The following UBL3 variants were observed in gnomAD, a reference collection of about 807,000 sequenced individuals.
UBL3 encodes ubiquitin-like protein 3.
A neutral mutation model predicts 18.4 loss-of-function variants in UBL3; 6 were observed. The ratio of observed to expected loss-of-function variants is 0.33; its 90% CI spans 0.18 to 0.64. The LOEUF (loss-of-function observed/expected upper bound fraction) is 0.64. Ranked by LOEUF, UBL3 falls within the 30% of genes least tolerant of loss-of-function variation. UBL3 has a pLI of 0.76. For missense variants in UBL3, 109 were observed against 142.9 expected (o/e 0.76, Z 1.21); for synonymous variants, 49 against 46.6 (o/e 1.05, Z -0.21).
At chr13:29,842,303 G>A (rs1014488874) in intron 1 of UBL3, among the ~76,000 whole-genome samples, 9 of 151,906 alleles carry the variant, frequency 5.9e-5, no homozygotes, top group Non-Finnish European at 8.8e-5. Context: ...GATTACAGAC[G>A]CCTGCCACAA....
chr13:29,830,071 T>TA, intron 1 of UBL3, among the ~76,000 whole-genome samples: 1 of 152,172 alleles, frequency 6.6e-6, no homozygotes, highest in Non-Finnish European at 1.5e-5. Context: ...GCTTCTCAGG[T>TA]AATTATAAGT....
At chr13:29,775,218 T>C (rs1409901343) in intron 2 of UBL3, among the ~76,000 whole-genome samples, 1 of 152,212 alleles carries the variant, frequency 6.6e-6, no homozygotes, top group Non-Finnish European at 1.5e-5. Flanking sequence ...GAGTTATATT[T>C]GCATTTTCTG....
intron 1 of UBL3, among the ~76,000 whole-genome samples, chr13:29,826,565 G>C (rs1593671005): frequency 6.6e-6 from 1 of 151,850 alleles, no homozygotes; most frequent in Non-Finnish European, 1.5e-5. Context: ...ATTTTTTATT[G>C]CTTCTATTTG....
intron 2 of UBL3, among the ~76,000 whole-genome samples, chr13:29,774,339 T>G (rs901160282): frequency 1.3e-5 from 2 of 152,268 alleles, no homozygotes; most frequent in East Asian, 3.9e-4. Context: ...ACCCTTTTTC[T>G]GCCTTGTGTT....
chr13:29,841,353 C>T (rs868584100), intron 1 of UBL3, among the ~76,000 whole-genome samples: 1 of 152,034 alleles, frequency 6.6e-6, no homozygotes, highest in South Asian at 2.1e-4. Context: ...AAATCCTTTA[C>T]AAGTCAATCT....
chr13:29,790,940 C>T (rs1242679014), intron 1 of UBL3, among the ~76,000 whole-genome samples: 1 of 152,172 alleles, frequency 6.6e-6, no homozygotes, highest in Non-Finnish European at 1.5e-5. Context: ...CCAAGGCTTC[C>T]ACTGTCACCC....
At chr13:29,834,253 T>C (rs1878863630) in intron 1 of UBL3, among the ~76,000 whole-genome samples, 1 of 151,226 alleles carries the variant, frequency 6.6e-6, no homozygotes, top group African/African-American at 2.4e-5. Flanking sequence ...ATCATAAAAA[T>C]GATACCTAAC....
chr13:29,798,643 G>A (rs906065079), intron 1 of UBL3, among the ~76,000 whole-genome samples: 2 of 152,148 alleles, frequency 1.3e-5, no homozygotes, highest in African/African-American at 4.8e-5. Context: ...GAATAGAGTA[G>A]TCTGAATCAA....
At position 29,765,733 on chromosome 13, in the gene UBL3, G is replaced by T. The variant is rs1876660896; in HGVS notation, c.*1522C>A. ...CTCTGCTCTATACAAATTTAATTCTGATCAGTATGAACAATATTTTCGTAG... is the reference window on the plus strand; with the variant it reads ...CTCTGCTCTATACAAATTTAATTCTTATCAGTATGAACAATATTTTCGTAG... On this transcript the variant is annotated 3_prime_UTR_variant, in exon 5 of 5. Transcript: ENST00000380680. The T allele has an allele frequency of 6.6e-6, 1 of 152,390 alleles. No individual in the cohort carries two copies. The highest frequency in any genetic ancestry group is 6.6e-5 in the Admixed American group (1 of 15,254). 9.4% of individuals were successfully genotyped at this position (152,390 alleles called of 1,614,324 possible).
At chr13:29,776,869 CAAAAAAAAAAAAAAAA>C (rs869080358) in intron 2 of UBL3, among the ~76,000 whole-genome samples, 2 of 62,702 alleles carry the variant, frequency 3.2e-5, no homozygotes, top group Admixed American at 4.8e-4. Context: ...GACTCCATCT[CAAAAAAAAAAAAAAAA>C]AAAAAAAAAA....
intron 1 of UBL3, among the ~76,000 whole-genome samples, chr13:29,840,293 T>C (rs929958169): frequency 2.6e-5 from 4 of 152,114 alleles, no homozygotes; most frequent in African/African-American, 9.7e-5. Context: ...CTTGTCAAAA[T>C]TGACAAAGAA....
intron 1 of UBL3, among the ~76,000 whole-genome samples, chr13:29,795,876 G>A (rs1877597490): frequency 2.0e-5 from 3 of 151,474 alleles, no homozygotes; most frequent in South Asian, 4.2e-4. Context: ...AGGCTACAAC[G>A]AGCTATGACT....
chr13:29,841,600 C>G (rs1415865632), intron 1 of UBL3, among the ~76,000 whole-genome samples: 1 of 152,056 alleles, frequency 6.6e-6, no homozygotes, highest in Non-Finnish European at 1.5e-5. Context: ...TAGCTCAGAC[C>G]AATCAGTAGG....
At chr13:29,829,131 G>A (rs1878703238) in intron 1 of UBL3, among the ~76,000 whole-genome samples, 1 of 152,180 alleles carries the variant, frequency 6.6e-6, no homozygotes, top group African/African-American at 2.4e-5. Flanking sequence ...GGCTACTAGG[G>A]GGTCAGGGAC....
Position 29,849,521 on chromosome 13 carries a change from C to G in UBL3, c.18G>C (p.Pro6=). ...CTTATCCGTCACTTACCATATCCGC[C>G]GGGACATTACTGGACATCTTGCCGT... MSSNV[P]ADMINLRLIL... The change falls in exon 1 of 5, where the codon CCG becomes CCC. Residue 6 remains proline, a synonymous_variant. Coordinates refer to ENST00000380680, the MANE Select transcript of UBL3 (RefSeq NM_007106.4). 1 of 1,613,960 alleles carries G rather than the reference C, an allele frequency of 6.2e-7. No individual in the cohort carries two copies. The highest frequency in any genetic ancestry group is 8.5e-7 in the Non-Finnish European group (1 of 1,180,026).
At chr13:29,767,433 A>T in intron 4 of UBL3, 126 bp from the exon 5 acceptor site, 1 of 1,269,326 alleles carries the variant, frequency 7.9e-7, no homozygotes, top group Non-Finnish European at 1.1e-6. Flanking sequence ...TTTCAAAATT[A>T]AGAAGCTGTA....
chr13:29,795,112 C>T (rs570156227), intron 1 of UBL3, among the ~76,000 whole-genome samples: 139 of 152,302 alleles, frequency 9.1e-4, no homozygotes, highest in African/African-American at 3.2e-3. Context: ...ATTTTGATCA[C>T]ATATATTCAT....
At chr13:29,775,434 T>G (rs754729161) in intron 2 of UBL3, among the ~76,000 whole-genome samples, 28 of 152,246 alleles carry the variant, frequency 1.8e-4, no homozygotes, top group Non-Finnish European at 3.7e-4. Context: ...TTGACTCATT[T>G]TGTACATATA....
Position 29,767,623 on chromosome 13 carries a change from G to A in UBL3, c.296C>T (p.Ser99Phe), listed in dbSNP as rs1283431886. ...VARETLPEPNSQGQRNREKTG... is the reference protein window; with the variant it reads ...VARETLPEPNFQGQRNREKTG... ...TTTTCCAGTGCATGGCTTACCTTGA[G>A]AGTTTGGCTCTGGTAATGTCTCTCT... is the stretch of plus-strand genomic sequence containing the variant. Residue 99 changes from serine (S) to phenylalanine (F), a missense_variant, in exon 4 of 5, where the codon TCT becomes TTT. By Grantham distance (155) the Ser-to-Phe change is radical. Coordinates refer to ENST00000380680, the MANE Select transcript of UBL3 (RefSeq NM_007106.4). The A allele has an allele frequency of 6.2e-7, 1 of 1,612,842 alleles. No individual in the cohort carries two copies. Among genetic ancestry groups the A allele is most frequent in the African/African-American group, 1.3e-5 (1 of 74,970 alleles).
Sources: gnomAD v4.1 joint callset for allele counts (sites outside exome capture counted in the v4.1 genomes callset) on GRCh38, gnomAD v4.1.1 for gene constraint, MANE v1.5 for transcripts, NCBI Gene and HGNC (gene_info 2026-07-23, HGNC 2026-07-21) for gene names.